Variants in TMC5 observed in about 807,000 individuals in gnomAD.
TMC5 encodes transmembrane channel-like protein 5.
In TMC5, 86 loss-of-function variants were observed where a neutral mutation model predicts 110.5. The ratio of observed to expected loss-of-function variants is 0.78; its 90% CI spans 0.65 to 0.93. TMC5 has a LOEUF of 0.93. TMC5 is among the 40% of genes least tolerant of loss of function. The probability of loss-of-function intolerance (pLI) is 0.00; values close to 1 mark genes in which losing one functional copy is unlikely to be tolerated. For missense variants in TMC5, 1,144 were observed against 1,222.8 expected, an observed-to-expected ratio of 0.94 and a Z score of 0.96; for synonymous variants, 455 against 439.5, an observed-to-expected ratio of 1.04 and a Z score of -0.44.
intron 2 of TMC5, among the ~76,000 whole-genome samples, chr16:19,434,242 C>CTATATATCTATAGTATATATATCTATA (rs1567300413): frequency 1.9e-5 from 1 of 53,890 alleles, no homozygotes; most frequent in Non-Finnish European, 4.8e-5. Context: ...TAATATATAT[C>CTATATATCTATAGTATATATATCTATA]TATCTAAAAT....
At position 19,490,552 on chromosome 16, in the gene TMC5, C is replaced by T. The variant is rs755626960; in HGVS notation, c.2731C>T (p.Leu911Phe). ...TGGAAGTGTGCACTTCTTTTTCATC[C>T]TCACCCTCATTGTGCTGTGAGTGTG... Reference protein sequence around the residue: ...LIGSVHFFFILTLIVLIITYL... With the variant: ...LIGSVHFFFIFTLIVLIITYL... The change falls in exon 18 of 22, where the codon CTC (leucine) becomes TTC (phenylalanine). Residue 911 changes from leucine (L) to phenylalanine (F), a missense_variant. Leu to Phe is a conservative substitution (Grantham distance 22, BLOSUM62 0). Coordinates refer to ENST00000542583, the MANE Select transcript of TMC5 (RefSeq NM_001261841.2). The T allele has an allele frequency of 3.1e-6, 5 of 1,614,064 alleles. No homozygotes were observed. Among genetic ancestry groups the T allele is most frequent in the Non-Finnish European group, 4.2e-6 (5 of 1,180,002 alleles).
chr16:19,434,499 G>GATAT (rs747139925), intron 2 of TMC5, among the ~76,000 whole-genome samples: 32,269 of 126,700 alleles, frequency 0.25, 5,381 homozygotes, highest in East Asian at 0.5. Flanking sequence ...TAGATATAGA[G>GATAT]AGAGAGAGAG....
chr16:19,437,750 T>C (rs552181785), intron 2 of TMC5, among the ~76,000 whole-genome samples: 26 of 152,338 alleles, frequency 1.7e-4, no homozygotes, highest in African/African-American at 5.8e-4. Flanking sequence ...ACAAATCCTA[T>C]TGATTCTTTC....
rs747139925 is a variant in TMC5 at position 19,434,499 on chromosome 16, G to GATAGATATATAT, written c.-80+3860_-80+3861insTAGATATATATA. Among the ~76,000 whole-genome samples the GATAGATATATAT allele has an allele frequency of 1.3e-4, 17 of 127,098 alleles. 2 individuals carry two copies. Among genetic ancestry groups the GATAGATATATAT allele is most frequent in the African/African-American group, 9.9e-5 (3 of 30,286 alleles). 83.4% of individuals were successfully genotyped at this position (127,098 alleles called of 152,430 possible). Reference sequence around the variant, plus strand: ...AGATAGATAGATAGATAGATATAGAGAGAGAGAGAGATGGGGGTCTTGCTA... The same window carrying GATAGATATATAT: ...AGATAGATAGATAGATAGATATAGAGATAGATATATATAGAGAGAGAGATGGGGGTCTTGCTA... On this transcript the variant is annotated intron_variant, in intron 2 of 21. Transcript: ENST00000542583.
At position 19,439,992 on chromosome 16, in the gene TMC5, A is replaced by C; in HGVS notation, c.-47A>C. The C allele has an allele frequency of 6.8e-7, 1 of 1,460,604 alleles. No homozygotes were observed. The highest frequency in any genetic ancestry group is 9.3e-7 in the Non-Finnish European group (1 of 1,080,766). The allele number at this position is 1,460,604 out of a possible 1,614,324, so 90.5% of individuals were successfully genotyped here. ...AAAAAAAAGATCCCTGAGTAATTGC[A>C]AATGCTGGGACAGTTTACCACTCCA... On this transcript the variant is annotated 5_prime_UTR_variant, in exon 3 of 22. Transcript: ENST00000542583.
In TMC5 at chr16:19,471,949, C is replaced by T. The variant is rs553983869; in HGVS notation, c.1783-139C>T. ...CTAATTTTTGTATTTTTGGTAGAGG[C>T]GGGGTTTCACCATGTTGTCCAGGCT... On this transcript the variant is annotated intron_variant, in intron 10 of 21. Coordinates refer to ENST00000542583, the MANE Select transcript of TMC5 (RefSeq NM_001261841.2). 159 of 758,006 alleles carry T rather than the reference C, an allele frequency of 2.1e-4. 2 individuals carry two copies. Among genetic ancestry groups the T allele is most frequent in the African/African-American group, 1.5e-3 (84 of 57,294 alleles). 47.0% of individuals were successfully genotyped at this position (758,006 alleles called of 1,614,324 possible). A position where few individuals can be genotyped will look rare whatever the true frequency, so the allele number is the denominator to read the frequency against.
chr16:19,490,348 T>C (rs1968855036), intron 17 of TMC5, 47 bp from the exon 18 acceptor site: 1 of 1,593,842 alleles, frequency 6.3e-7, no homozygotes, highest in Non-Finnish European at 8.6e-7. Flanking sequence ...AGAATAACCA[T>C]CCCTGAGTCT....
At chr16:19,438,406 A>AG (rs1445569130) in intron 2 of TMC5, among the ~76,000 whole-genome samples, 8 of 105,606 alleles carry the variant, frequency 7.6e-5, no homozygotes, top group East Asian at 2.5e-4. Flanking sequence ...AAAAAAAAAA[A>AG]AAGAAGAAAG....
intron 2 of TMC5, among the ~76,000 whole-genome samples, chr16:19,434,145 T>A (rs1327025053): frequency 1.4e-5 from 1 of 70,202 alleles, no homozygotes; most frequent in African/African-American, 3.7e-5. Context: ...TATATATCTA[T>A]AATATATAGA....
intron 1 of TMC5, among the ~76,000 whole-genome samples, chr16:19,423,418 A>G (rs1415795669): frequency 6.6e-6 from 1 of 152,230 alleles, no homozygotes; most frequent in African/African-American, 2.4e-5. Context: ...ATGTACTTAC[A>G]GTTCCTTAAA....
intron 9 of TMC5, among the ~76,000 whole-genome samples, chr16:19,468,483 C>CG (rs1968243555): frequency 6.6e-6 from 1 of 152,116 alleles, no homozygotes; most frequent in African/African-American, 2.4e-5. Flanking sequence ...CCGACCCCCC[C>CG]CAGAGAAGTC....
At position 19,499,062 on chromosome 16, in the gene TMC5, A is replaced by AAAATAAAT. The variant is rs10581955; in HGVS notation, c.*1112_*1119dup. On this transcript the variant is annotated 3_prime_UTR_variant, in exon 22 of 22. Coordinates refer to ENST00000542583, the MANE Select transcript of TMC5 (RefSeq NM_001261841.2). ...GGCAACAGTGAGACTCTGCCTCAAA[A>AAAATAAAT]AAATAAATAAATAAATAAATAAAGT... 3 of 151,014 alleles carry AAAATAAAT rather than the reference A, an allele frequency of 2.0e-5. No individual in the cohort carries two copies. The highest frequency in any genetic ancestry group is 7.3e-5 in the African/African-American group (3 of 41,046). The allele number at this position is 151,014 out of a possible 1,614,324, so 9.4% of individuals were successfully genotyped here. A position where few individuals can be genotyped will look rare whatever the true frequency, so the allele number is the denominator to read the frequency against.
At chr16:19,464,143 G>A in intron 8 of TMC5, 119 bp downstream of exon 8, 1 of 1,201,912 alleles carries the variant, frequency 8.3e-7, no homozygotes, top group Non-Finnish European at 1.2e-6. Context: ...GATGGGGAAA[G>A]TGGATGTTTG....
intron 1 of TMC5, among the ~76,000 whole-genome samples, chr16:19,423,739 A>G (rs1967033094): frequency 6.6e-6 from 1 of 151,948 alleles, no homozygotes; most frequent in Admixed American, 6.6e-5. Flanking sequence ...GTGCCCCACA[A>G]TTTTATTGTT....
intron 5 of TMC5, 23 bp downstream of exon 5, chr16:19,449,654 G>A: frequency 6.3e-7 from 1 of 1,598,138 alleles, no homozygotes; most frequent in South Asian, 1.1e-5. Context: ...GTTTGGCTCT[G>A]TGTCCCCACC....
intron 11 of TMC5, 133 bp downstream of exon 11, chr16:19,472,376 T>C: frequency 9.7e-7 from 1 of 1,034,366 alleles, no homozygotes; most frequent in South Asian, 1.5e-5. Flanking sequence ...AGAGAACTTG[T>C]TAAAAATGCA....
At chr16:19,436,350 C>T (rs1967350157) in intron 2 of TMC5, among the ~76,000 whole-genome samples, 1 of 150,386 alleles carries the variant, frequency 6.6e-6, no homozygotes, top group South Asian at 2.1e-4. Context: ...TAGAAATACT[C>T]ATTTATTTTG....
chr16:19,427,487 C>T (rs1343046580), intron 1 of TMC5, among the ~76,000 whole-genome samples: 1 of 152,124 alleles, frequency 6.6e-6, no homozygotes, highest in Non-Finnish European at 1.5e-5. Context: ...TTTAGTTTCT[C>T]AATCTAGTTC....
chr16:19,492,942 A>ATATATATATAT (rs57619005), intron 19 of TMC5, among the ~76,000 whole-genome samples: 62 of 107,592 alleles, frequency 5.8e-4, no homozygotes, highest in Non-Finnish European at 7.7e-4. Flanking sequence ...ATCTCTCTAT[A>ATATATATATAT]AGATAAATAC....
Sources: allele counts gnomAD v4.1 joint callset (sites outside exome capture counted in the v4.1 genomes callset), GRCh38; gene constraint gnomAD v4.1.1; transcripts MANE v1.5; gene names NCBI Gene and HGNC (gene_info 2026-07-23, HGNC 2026-07-21).